The following SPIRE2 variants were observed in gnomAD, a reference collection of about 807,000 sequenced individuals.
SPIRE2 encodes the protein spire type actin nucleation factor 2.
SPIRE2 carries 76 observed loss-of-function variants against 80.7 expected under a neutral mutation model. The observed-to-expected ratio is 0.94, with a 90% confidence interval of 0.78 to 1.14. The LOEUF (loss-of-function observed/expected upper bound fraction) is 1.14, where lower values mean the gene tolerates loss of function less well. SPIRE2 is among the 50% of genes most tolerant of loss of function. The pLI, the probability that SPIRE2 is intolerant of heterozygous loss-of-function variation, is 0.00. For synonymous variants in SPIRE2, 535 were observed against 432.6 expected (o/e 1.24, Z -2.94); for missense variants, 1,196 against 1,015.3 (o/e 1.18, Z -2.42).
In SPIRE2 at chr16:89,849,271, C is replaced by T. The variant is rs2143802987; in HGVS notation, c.289-1033C>T. Reference sequence around the variant, plus strand: ...GGCCCCCCACCCTGGCAGTGTGGCACAGAGCTGAGAGAGGGGCCATGAGCA... The same window carrying T: ...GGCCCCCCACCCTGGCAGTGTGGCATAGAGCTGAGAGAGGGGCCATGAGCA... On this transcript the variant is annotated intron_variant, in intron 2 of 14. Coordinates refer to ENST00000378247, the MANE Select transcript of SPIRE2 (RefSeq NM_032451.2). Among the ~76,000 whole-genome samples, 3 of 152,284 alleles carry T rather than the reference C, an allele frequency of 2.0e-5. No homozygotes were observed. In the South Asian group the frequency reaches 6.2e-4, roughly 32 times the overall value.
At chr16:89,845,536 A>G (rs2143797544) in intron 2 of SPIRE2, 171 bp downstream of exon 2, 3 of 745,828 alleles carry the variant, frequency 4.0e-6, no homozygotes, top group East Asian at 2.7e-5. Flanking sequence ...CTGTTCACAG[A>G]GAGCAGACGT....
At position 89,863,766 on chromosome 16, in the gene SPIRE2, C is replaced by T. The variant is rs1215324127; in HGVS notation, c.1711-28C>T. 3.7e-6 allele frequency: 6 copies of T among 1,612,690 alleles called. No homozygotes were observed. The highest frequency in any genetic ancestry group is 2.2e-5 in the East Asian group (1 of 44,872). ...GGACCCCAGGGAGCTTTGGACAAAG[C>T]GGGGCTCTAACCAGTCTCTCCTGAC... On this transcript the variant is annotated intron_variant, in intron 11 of 14. Transcript: ENST00000378247. The surrounding 1 kb of genome is among the most constrained non-coding windows in gnomAD (Gnocchi z 4.3).
At chr16:89,845,658 A>G in intron 2 of SPIRE2, 1 of 695,618 alleles carries the variant, frequency 1.4e-6, no homozygotes, top group East Asian at 2.7e-5. Flanking sequence ...TGACGTCTGC[A>G]GGGCCGGCCT....
At position 89,863,737 on chromosome 16, in the gene SPIRE2, G is replaced by A. The variant is rs2041764752; in HGVS notation, c.1711-57G>A. ...AGCCCTGAGGGGGTAGCAGGGACAG[G>A]GCGGGACCCCAGGGAGCTTTGGACA... On this transcript the variant is annotated intron_variant, in intron 11 of 14. Transcript: ENST00000378247. The surrounding 1 kb of genome is among the most constrained non-coding windows in gnomAD (Gnocchi z 4.3). 6.2e-7 allele frequency: 1 copy of A among 1,608,978 alleles called. No individual in the cohort carries two copies. The highest frequency in any genetic ancestry group is 8.5e-7 in the Non-Finnish European group (1 of 1,175,432).
chr16:89,850,545 C>A lies in SPIRE2; in HGVS notation c.530C>A (p.Ala177Glu), dbSNP rs199593632. Residue 177 changes from alanine (A) to glutamate (E), a missense_variant, in exon 3 of 15, where the codon GCG becomes GAG. By Grantham distance (107) the Ala-to-Glu change is moderately radical. Coordinates refer to ENST00000378247, the MANE Select transcript of SPIRE2 (RefSeq NM_032451.2). ...GCCCAGGCCATGCGGCTGTGCGCGG[C>A]GCGGCTGACCGACCCCCGGGGCGCA... is the stretch of plus-strand genomic sequence containing the variant. Reference protein sequence around the residue: ...TFAQAMRLCAARLTDPRGAQA... With the variant: ...TFAQAMRLCAERLTDPRGAQA... The A allele has an allele frequency of 7.6e-5, 115 of 1,511,258 alleles. 1 individual carries two copies. The East Asian group carries it at 1.5e-3, about 20-fold the overall frequency. The allele number at this position is 1,511,258 out of a possible 1,614,324, so 93.6% of individuals were successfully genotyped here. A position where few individuals can be genotyped will look rare whatever the true frequency, so the allele number is the denominator to read the frequency against.
chr16:89,837,832 G>A (rs116901272), intron 1 of SPIRE2, among the ~76,000 whole-genome samples: 1 of 152,146 alleles, frequency 6.6e-6, no homozygotes, highest in East Asian at 1.9e-4. Flanking sequence ...ATCAGCCACC[G>A]CCCTCTGAGA....
At chr16:89,838,419 G>A (rs1163972869) in intron 1 of SPIRE2, among the ~76,000 whole-genome samples, 1 of 151,944 alleles carries the variant, frequency 6.6e-6, no homozygotes, top group Non-Finnish European at 1.5e-5. Context: ...CCTTACCTCA[G>A]GTGATCGGCC....
chr16:89,856,012 A>G, intron 6 of SPIRE2, 101 bp from the exon 7 acceptor site: 2 of 1,530,854 alleles, frequency 1.3e-6, no homozygotes, highest in Non-Finnish European at 1.8e-6. Flanking sequence ...GGCCCGTGTC[A>G]TGGTCACTTC....
chr16:89,863,714 C>A lies in SPIRE2; in HGVS notation c.1711-80C>A, dbSNP rs1393324724. Reference sequence around the variant, plus strand: ...TGTTTGCTCATGATCTGGTTGGGAGCCCTGAGGGGGTAGCAGGGACAGGGC... The same window carrying A: ...TGTTTGCTCATGATCTGGTTGGGAGACCTGAGGGGGTAGCAGGGACAGGGC... On this transcript the variant is annotated intron_variant, in intron 11 of 14. Transcript: ENST00000378247. The surrounding 1 kb of genome is among the most constrained non-coding windows in gnomAD (Gnocchi z 4.3). The A allele has an allele frequency of 3.1e-6, 5 of 1,608,110 alleles. No individual in the cohort carries two copies. Among genetic ancestry groups the A allele is most frequent in the Non-Finnish European group, 4.3e-6 (5 of 1,174,880 alleles).
chr16:89,870,143 C>T lies in SPIRE2; in HGVS notation c.2016C>T (p.Cys672=). The T allele has an allele frequency of 6.2e-7, 1 of 1,612,904 alleles. No individual in the cohort carries two copies. Among genetic ancestry groups the T allele is most frequent in the South Asian group, 1.1e-5 (1 of 90,820 alleles). Residue 672 remains cysteine, a synonymous_variant, in exon 15 of 15, where the codon TGC becomes TGT. Transcript: ENST00000378247. ...TCCTGAAGGATGTCTGCAGTGAGTG[C>T]ACCAGCTTTGTGGCAGACGTGGTGC... ...GCVLKDVCSE[C]TSFVADVVRS...
At chr16:89,869,890 C>T (rs1283376930) in intron 14 of SPIRE2, among the ~76,000 whole-genome samples, 160 bp from the exon 15 acceptor site, 1 of 152,136 alleles carries the variant, frequency 6.6e-6, no homozygotes, top group Non-Finnish European at 1.5e-5. Context: ...AGGGAACAGT[C>T]TGCTGAGATG....
chr16:89,838,808 C>G (rs993272560), intron 1 of SPIRE2, among the ~76,000 whole-genome samples: 5 of 152,196 alleles, frequency 3.3e-5, no homozygotes, highest in African/African-American at 1.2e-4. Context: ...CTCCTGCACT[C>G]AGGGGCTCCC....
chr16:89,855,988 C>T, intron 6 of SPIRE2, 125 bp from the exon 7 acceptor site: 2 of 1,472,424 alleles, frequency 1.4e-6, no homozygotes, highest in Non-Finnish European at 9.1e-7. Context: ...GCAGGCTCTT[C>T]CGACTCCAGA....
At chr16:89,847,811 G>C (rs376860947) in intron 2 of SPIRE2, among the ~76,000 whole-genome samples, 7 of 152,324 alleles carry the variant, frequency 4.6e-5, no homozygotes, top group African/African-American at 1.7e-4. Flanking sequence ...TTCAGAGAAA[G>C]TTGCCAGTGA....
chr16:89,868,302 C>T, intron 13 of SPIRE2, 86 bp downstream of exon 13: 5 of 1,313,884 alleles, frequency 3.8e-6, no homozygotes, highest in African/African-American at 1.5e-5. Flanking sequence ...GATGATGCTG[C>T]CTCACCAGGC....
chr16:89,864,021 TTTTAAA>T (rs2041767846), intron 12 of SPIRE2, among the ~76,000 whole-genome samples, 160 bp downstream of exon 12: 1 of 152,198 alleles, frequency 6.6e-6, no homozygotes, highest in South Asian at 2.1e-4. Flanking sequence ...AGGAGTTAAA[TTTTAAA>T]TTGTATTTAA....
chr16:89,848,748 G>A, intron 2 of SPIRE2, among the ~76,000 whole-genome samples: 1 of 149,284 alleles, frequency 6.7e-6, no homozygotes, highest in Non-Finnish European at 1.5e-5. Context: ...GCCTTCTGTG[G>A]TGTTTCTGCA....
chr16:89,861,089 G>A (rs568605459), intron 10 of SPIRE2, among the ~76,000 whole-genome samples: 12 of 152,258 alleles, frequency 7.9e-5, no homozygotes, highest in African/African-American at 4.8e-5. Context: ...GTGAACCTGC[G>A]TGCCCTGTGC....
chr16:89,862,968 A>G (rs2041757530), intron 10 of SPIRE2: 1 of 164,966 alleles, frequency 6.1e-6, no homozygotes, highest in South Asian at 1.4e-4. Context: ...TGCCAAGCAC[A>G]GGGAAGCAAA....
Sources: gnomAD v4.1 joint callset for allele counts (sites outside exome capture counted in the v4.1 genomes callset) on GRCh38, gnomAD v4.1.1 for gene constraint, Gnocchi (gnomAD v3.1) non-coding constraint, MANE v1.5 for transcripts, NCBI Gene and HGNC (gene_info 2026-07-23, HGNC 2026-07-21) for gene names.